KCNMA1: variants seen among roughly 807,000 people sequenced by gnomAD.
KCNMA1 encodes the protein Calcium-activated potassium channel subunit alpha-1.
Under a neutral mutation model 140.0 loss-of-function variants are expected in KCNMA1, and 29 were observed. The ratio of observed to expected loss-of-function variants is 0.21; its 90% CI spans 0.15 to 0.28. The LOEUF (loss-of-function observed/expected upper bound fraction) is 0.28. Among genes scored for constraint, KCNMA1 ranks in the 10% least tolerant of loss-of-function variants. The pLI, the probability that KCNMA1 is intolerant of heterozygous loss-of-function variation, is 1.00. For missense variants in KCNMA1, 880 were observed against 1,602.2 expected (o/e 0.55, Z 7.70); for synonymous variants, 612 against 611.9 (o/e 1.00, Z 0.00).
At chr10:77,271,839 GA>G (rs372819802) in intron 2 of KCNMA1, among the ~76,000 whole-genome samples, 50 of 151,044 alleles carry the variant, frequency 3.3e-4, no homozygotes, top group African/African-American at 1.1e-3. Flanking sequence ...CACCCTGGGG[GA>G]AAAAAAAAGC....
intron 2 of KCNMA1, among the ~76,000 whole-genome samples, chr10:77,273,461 C>T (rs375534507): frequency 5.3e-5 from 8 of 152,246 alleles, no homozygotes; most frequent in African/African-American, 1.9e-4. Context: ...GAATTGAATT[C>T]ACATTCAGGC....
chr10:77,414,778 C>T (rs2096702485), intron 1 of KCNMA1, among the ~76,000 whole-genome samples: 1 of 152,304 alleles, frequency 6.6e-6, no homozygotes, highest in East Asian at 1.9e-4. Context: ...GCGTGAGCCA[C>T]CACGCCTGGC....
At chr10:77,384,185 C>T (rs568264832) in intron 2 of KCNMA1, among the ~76,000 whole-genome samples, 6 of 152,336 alleles carry the variant, frequency 3.9e-5, no homozygotes, top group East Asian at 1.9e-4. Flanking sequence ...GAGCAAATAC[C>T]GTGCCTCCAT....
At chr10:77,465,742 T>C (rs1190807295) in intron 1 of KCNMA1, among the ~76,000 whole-genome samples, 1 of 152,180 alleles carries the variant, frequency 6.6e-6, no homozygotes, top group Non-Finnish European at 1.5e-5. Flanking sequence ...AGGAATATTC[T>C]CTTCCTTTAT....
chr10:76,941,151 AAGGG>A (rs1184569804), intron 23 of KCNMA1, among the ~76,000 whole-genome samples: 6 of 72,566 alleles, frequency 8.3e-5, no homozygotes, highest in South Asian at 5.7e-4. Flanking sequence ...AAGGGAAGGG[AAGGG>A]AGGGAAGGGA....
intron 2 of KCNMA1, among the ~76,000 whole-genome samples, chr10:77,328,850 T>C (rs2085212097): frequency 6.6e-6 from 1 of 152,164 alleles, no homozygotes; most frequent in African/African-American, 2.4e-5. Context: ...TGTTTTATTT[T>C]GTTTTTTTAA....
intron 3 of KCNMA1, among the ~76,000 whole-genome samples, chr10:77,227,128 C>A (rs1468611896): frequency 1.3e-5 from 2 of 152,168 alleles, no homozygotes; most frequent in African/African-American, 4.8e-5. Context: ...CCACTGACAT[C>A]AACACCCTGG....
intron 1 of KCNMA1, among the ~76,000 whole-genome samples, chr10:77,458,105 A>G (rs1291716575): frequency 6.6e-6 from 1 of 152,224 alleles, no homozygotes; most frequent in East Asian, 1.9e-4. Flanking sequence ...AAAGTGGGGC[A>G]GCAGGAAAGC....
chr10:77,462,159 CAAT>C (rs1412417355), intron 1 of KCNMA1, among the ~76,000 whole-genome samples: 1 of 152,036 alleles, frequency 6.6e-6, no homozygotes, highest in African/African-American at 2.4e-5. Flanking sequence ...CGCATGCACA[CAAT>C]GAAACAGGCA....
chr10:76,878,060 C>T (rs545478388), intron 29 of KCNMA1, among the ~76,000 whole-genome samples: 1 of 152,028 alleles, frequency 6.6e-6, no homozygotes, highest in African/African-American at 2.4e-5. Context: ...GACCCCAGAA[C>T]CTGAAATATA....
intron 20 of KCNMA1, among the ~76,000 whole-genome samples, chr10:76,959,447 A>T (rs1338582964): frequency 2.0e-5 from 3 of 152,222 alleles, no homozygotes; most frequent in African/African-American, 7.2e-5. Context: ...TAGTTTCTTC[A>T]TCTGTAAAAT....
chr10:77,463,612 G>A (rs1157654973), intron 1 of KCNMA1, among the ~76,000 whole-genome samples: 1 of 152,212 alleles, frequency 6.6e-6, no homozygotes, highest in Non-Finnish European at 1.5e-5. Flanking sequence ...TGCTCCAAGA[G>A]GGAGTTAATT....
At chr10:77,280,749 G>A (rs1248869515) in intron 2 of KCNMA1, among the ~76,000 whole-genome samples, 2 of 149,690 alleles carry the variant, frequency 1.3e-5, no homozygotes, top group Admixed American at 6.7e-5. Flanking sequence ...GGCTGGTCTC[G>A]AATTCCTGGG....
rs137857863 is a variant in KCNMA1, at chr10:77,138,018, A to G, written c.809-16970T>C. Reference sequence around the variant, plus strand: ...TAACCCAGTCCTGGTTCCTGTTCTGATAGATGCTCAACATCAGTTGATATT... The same window carrying G: ...TAACCCAGTCCTGGTTCCTGTTCTGGTAGATGCTCAACATCAGTTGATATT... On this transcript the variant is annotated intron_variant, in intron 5 of 27. Coordinates refer to ENST00000286628, the MANE Select transcript of KCNMA1 (RefSeq NM_001161352.2). 4.9e-3 allele frequency among the ~76,000 whole-genome samples: 746 copies of G among 152,152 alleles called. 5 individuals are homozygous for G. The highest frequency in any genetic ancestry group is 0.017 in the African/African-American group (706 of 41,516).
intron 1 of KCNMA1, among the ~76,000 whole-genome samples, chr10:77,469,230 G>C (rs1043492190): frequency 6.6e-6 from 1 of 151,792 alleles, no homozygotes; most frequent in East Asian, 1.9e-4. Flanking sequence ...GACAACTTAG[G>C]ATGCAGTTAG....
intron 1 of KCNMA1, among the ~76,000 whole-genome samples, chr10:77,541,313 T>C (rs1026736314): frequency 6.6e-6 from 1 of 152,098 alleles, no homozygotes; most frequent in African/African-American, 2.4e-5. Flanking sequence ...TATTAAAAGA[T>C]TGACAATAAA....
chr10:77,092,259 A>T (rs989139745), intron 9 of KCNMA1: 24 of 152,366 alleles, frequency 1.6e-4, no homozygotes, highest in African/African-American at 5.3e-4. Context: ...GATGATATGC[A>T]TTTTATCATA....
In KCNMA1 at chr10:76,944,906, G is replaced by A. The variant is rs200241954; in HGVS notation, c.2769C>T (p.Cys923=). The change falls in exon 23 of 28, where the codon TGC becomes TGT. Residue 923 remains cysteine (C), a synonymous_variant. Coordinates refer to ENST00000286628, the MANE Select transcript of KCNMA1 (RefSeq NM_001161352.2). The part of the protein sequence containing the change: ...RAVNINLCDM[C]VILSANQNNI... ...TATTCTGATTGGCTGACAGGATAACGCACATGTCACAGAGGTTGATGTTGA... is the reference window on the plus strand; with the variant it reads ...TATTCTGATTGGCTGACAGGATAACACACATGTCACAGAGGTTGATGTTGA... The A allele has an allele frequency of 9.9e-6, 16 of 1,613,882 alleles. No individual in the cohort carries two copies. Among genetic ancestry groups the A allele is most frequent in the East Asian group, 6.7e-5 (3 of 44,866 alleles).
chr10:77,350,090 G>T (rs2092692373), intron 2 of KCNMA1, among the ~76,000 whole-genome samples: 1 of 152,066 alleles, frequency 6.6e-6, no homozygotes, highest in Admixed American at 6.5e-5. Context: ...ATAGAGATGG[G>T]GTTTCACCAT....
Sources: gnomAD v4.1 joint callset for allele counts (sites outside exome capture counted in the v4.1 genomes callset) on GRCh38, gnomAD v4.1.1 for gene constraint, MANE v1.5 for transcripts, NCBI Gene and HGNC (gene_info 2026-07-23, HGNC 2026-07-21) for gene names.